KALRN: variants seen among roughly 807,000 people sequenced by gnomAD.
The protein encoded by KALRN is kalirin RhoGEF kinase, also known as kalirin.
A neutral mutation model predicts 353.7 loss-of-function variants in KALRN; 70 were observed. The observed-to-expected ratio is 0.20, with a 90% CI of 0.16 to 0.24. KALRN has a LOEUF of 0.24. Among genes scored for constraint, KALRN ranks in the 10% least tolerant of loss-of-function variants. KALRN has a pLI of 1.00. For missense variants in KALRN, 2,791 were observed against 3,756.7 expected (o/e 0.74, Z 6.72); for synonymous variants, 1,391 against 1,434.8 (o/e 0.97, Z 0.69).
intron 1 of KALRN, among the ~76,000 whole-genome samples, chr3:124,075,354 C>T (rs2060210644): frequency 6.6e-6 from 1 of 152,188 alleles, no homozygotes; most frequent in South Asian, 2.1e-4. Flanking sequence ...AGTTTCAACC[C>T]TGACCTCGCT....
intron 33 of KALRN, among the ~76,000 whole-genome samples, chr3:124,511,083 C>T (rs2065851942): frequency 1.3e-5 from 2 of 152,118 alleles, no homozygotes; most frequent in African/African-American, 2.4e-5. Context: ...TGCCCTTCCC[C>T]TCATCCCCAC....
At chr3:124,069,634 T>C (rs1180302521) in intron 1 of KALRN, among the ~76,000 whole-genome samples, 4 of 152,196 alleles carry the variant, frequency 2.6e-5, no homozygotes, top group African/African-American at 7.2e-5. Flanking sequence ...CATTGTGCAA[T>C]GGGGAACCAT....
At chr3:124,434,143 A>T (rs2093383885) in intron 16 of KALRN, among the ~76,000 whole-genome samples, 164 bp from the exon 17 acceptor site, 1 of 152,216 alleles carries the variant, frequency 6.6e-6, no homozygotes, top group Non-Finnish European at 1.5e-5. Context: ...CTTTTTTTAA[A>T]TATGCTTTAA....
At chr3:124,458,032 T>C (rs1467470019) in intron 23 of KALRN, among the ~76,000 whole-genome samples, 4 of 152,234 alleles carry the variant, frequency 2.6e-5, no homozygotes, top group Non-Finnish European at 5.9e-5. Context: ...TCCCAGCACT[T>C]TGGGAGGCCG....
chr3:124,047,984 G>A (rs2149125449), intron 1 of KALRN, among the ~76,000 whole-genome samples: 1 of 152,106 alleles, frequency 6.6e-6, no homozygotes, highest in South Asian at 2.1e-4. Context: ...TTCCTATGTG[G>A]ATTCACTCCC....
intron 15 of KALRN, among the ~76,000 whole-genome samples, chr3:124,426,165 A>G (rs2093009123): frequency 6.6e-6 from 1 of 152,064 alleles, no homozygotes; most frequent in African/African-American, 2.4e-5. Context: ...CTCTTTCCTT[A>G]GGGAGCGCTT....
intron 3 of KALRN, among the ~76,000 whole-genome samples, chr3:124,235,194 A>G (rs1042139457): frequency 2.0e-5 from 3 of 152,186 alleles, no homozygotes; most frequent in African/African-American, 7.2e-5. Context: ...AGCTACAGGA[A>G]ACACTCTATG....
chr3:124,421,195 G>C (rs554792273), intron 14 of KALRN, among the ~76,000 whole-genome samples: 32 of 152,274 alleles, frequency 2.1e-4, no homozygotes, highest in African/African-American at 7.5e-4. Flanking sequence ...TAAGCAAGTA[G>C]TTCAGAGTTA....
intron 5 of KALRN, among the ~76,000 whole-genome samples, chr3:124,288,614 T>C (rs889697707): frequency 4.6e-5 from 7 of 152,226 alleles, no homozygotes; most frequent in Admixed American, 2.0e-4. Flanking sequence ...GGTTTTTGTT[T>C]TCTTTTTATT....
At chr3:124,124,988 G>T (rs1227992180) in intron 1 of KALRN, among the ~76,000 whole-genome samples, 1 of 152,192 alleles carries the variant, frequency 6.6e-6, no homozygotes, top group Non-Finnish European at 1.5e-5. Context: ...ATGCGTGGGA[G>T]AGGGTTTGCG....
At position 124,129,181 on chromosome 3, in the gene KALRN, G is replaced by A. The variant is rs539532469; in HGVS notation, c.73+95368G>A. On this transcript the variant is annotated intron_variant, in intron 1 of 59. Transcript: ENST00000682506. ...GTTTGAGGAAGGTCCGTCATACTCA[G>A]GAGCATTAGCAGAACGGTGCCCCAG... Among the ~76,000 whole-genome samples the A allele has an allele frequency of 3.3e-5, 5 of 152,282 alleles. No homozygotes were observed. In the East Asian group the frequency reaches 9.6e-4, roughly 29 times the overall value.
chr3:124,617,034 C>G (rs1160005219), intron 34 of KALRN, among the ~76,000 whole-genome samples: 2 of 151,546 alleles, frequency 1.3e-5, no homozygotes, highest in Non-Finnish European at 2.9e-5. Flanking sequence ...CATTTAATGA[C>G]CAAAGAATTT....
At chr3:124,328,208 C>G (rs538284399) in intron 7 of KALRN, among the ~76,000 whole-genome samples, 3 of 152,180 alleles carry the variant, frequency 2.0e-5, no homozygotes, top group African/African-American at 4.8e-5. Context: ...TTTTTGTCGC[C>G]GTTGTTAAGG....
chr3:124,265,082 C>T (rs757092855), intron 4 of KALRN, among the ~76,000 whole-genome samples: 6 of 152,128 alleles, frequency 3.9e-5, no homozygotes, highest in Non-Finnish European at 7.4e-5. Flanking sequence ...TGCCTGTATA[C>T]AGTATATAAC....
At chr3:124,580,947 A>AAATAAT (rs145377277) in intron 34 of KALRN, among the ~76,000 whole-genome samples, 243 of 147,596 alleles carry the variant, frequency 1.6e-3, no homozygotes, top group African/African-American at 4.6e-3. Flanking sequence ...GTCTCTATTA[A>AAATAAT]AATAATAATA....
intron 1 of KALRN, among the ~76,000 whole-genome samples, chr3:124,057,838 T>A (rs2041689539): frequency 6.6e-6 from 1 of 152,198 alleles, no homozygotes; most frequent in Non-Finnish European, 1.5e-5. Context: ...GCCTGGGGTT[T>A]CAACTTGAGG....
At chr3:124,057,381 G>A (rs1360216521) in intron 1 of KALRN, among the ~76,000 whole-genome samples, 3 of 152,226 alleles carry the variant, frequency 2.0e-5, no homozygotes, top group Non-Finnish European at 2.9e-5. Flanking sequence ...AGAACCAGAG[G>A]GGGAAGCCTG....
chr3:124,250,561 C>T (rs2071001389), intron 3 of KALRN, among the ~76,000 whole-genome samples: 1 of 152,208 alleles, frequency 6.6e-6, no homozygotes, highest in African/African-American at 2.4e-5. Flanking sequence ...GGCTGAGGCA[C>T]TGTGCTTAGA....
chr3:124,504,893 G>A (rs1184868844), intron 33 of KALRN: 2 of 503,146 alleles, frequency 4.0e-6, no homozygotes, highest in African/African-American at 1.9e-5. Context: ...AAATCTGAGA[G>A]CAAGCCAAGA....
Sources: gnomAD v4.1 joint callset for allele counts (sites outside exome capture counted in the v4.1 genomes callset) on GRCh38, gnomAD v4.1.1 for gene constraint, MANE v1.5 for transcripts, NCBI Gene and HGNC (gene_info 2026-07-23, HGNC 2026-07-21) for gene names.